The following GPC5 variants were observed in gnomAD, a reference collection of about 807,000 sequenced individuals.
GPC5 encodes glypican 5, also known as glypican-5.
GPC5 carries 47 observed loss-of-function variants against 53.9 expected under a neutral mutation model. That is an observed-to-expected ratio of 0.87 (90% CI 0.69 to 1.11). The LOEUF (loss-of-function observed/expected upper bound fraction) is 1.11. Ranked by LOEUF, GPC5 falls within the 50% of genes most tolerant of loss-of-function variation. GPC5 has a pLI of 0.00. For missense variants in GPC5, 748 were observed against 713.1 expected (o/e 1.05, Z -0.56); for synonymous variants, 286 against 263.3 (o/e 1.09, Z -0.84).
rs1329181441 is a variant in GPC5, at chr13:92,031,694, A to ATAATATG, written c.1402-113130_1402-113129insGTAATAT. 4.1e-5 allele frequency among the ~76,000 whole-genome samples: 4 copies of ATAATATG among 96,468 alleles called. 1 individual carries two copies. Among genetic ancestry groups the ATAATATG allele is most frequent in the African/African-American group, 8.1e-5 (2 of 24,596 alleles). The allele number at this position is 96,468 out of a possible 152,430, so 63.3% of individuals were successfully genotyped here. On this transcript the variant is annotated intron_variant, in intron 6 of 7. Transcript: ENST00000377067. ...TATATATAATATATATATAGTATAT[A>ATAATATG]TAATATATTATATATATTACATATA...
chr13:92,270,399 G>A (rs182365630), intron 7 of GPC5, among the ~76,000 whole-genome samples: 25 of 152,262 alleles, frequency 1.6e-4, no homozygotes, highest in African/African-American at 5.5e-4. Flanking sequence ...TTAAAAGTGT[G>A]TAGCACCTCC....
chr13:92,863,768 C>T (rs1879256687), intron 7 of GPC5, among the ~76,000 whole-genome samples: 1 of 152,178 alleles, frequency 6.6e-6, no homozygotes, highest in Admixed American at 6.5e-5. Context: ...GCTGAGATTA[C>T]AGGTGTGAGC....
rs1457582309 is a variant in GPC5, at chr13:92,261,623, T to C, written c.1561+116634T>C. On this transcript the variant is annotated intron_variant, in intron 7 of 7. Transcript: ENST00000377067. ...GAGAATATTTAATTACCACTAATTA[T>C]ACCAGTAAGCATAATGATGTATGGG... Among the ~76,000 whole-genome samples, 6 of 152,128 alleles carry C rather than the reference T, an allele frequency of 3.9e-5. No individual in the cohort carries two copies. The East Asian group carries it at 1.2e-3, about 29-fold the overall frequency.
intron 7 of GPC5, among the ~76,000 whole-genome samples, chr13:92,337,202 CA>C (rs11303172): frequency 0.5 from 70,814 of 142,284 alleles, 18,629 homozygotes; most frequent in African/African-American, 0.74. Flanking sequence ...ACCCCCCACC[CA>C]AAAAAAAAAA....
chr13:91,595,633 C>A (rs1201087305), intron 2 of GPC5, among the ~76,000 whole-genome samples: 3 of 152,118 alleles, frequency 2.0e-5, no homozygotes, highest in African/African-American at 7.2e-5. Flanking sequence ...CCTGTACTAT[C>A]TGAACTTCCC....
At chr13:92,111,281 G>A (rs971069795) in intron 6 of GPC5, among the ~76,000 whole-genome samples, 2 of 152,090 alleles carry the variant, frequency 1.3e-5, no homozygotes, top group African/African-American at 4.8e-5. Flanking sequence ...GTAGGAAAAA[G>A]TCAAAGGCAA....
intron 7 of GPC5, among the ~76,000 whole-genome samples, chr13:92,804,835 T>A (rs1415139471): frequency 1.3e-5 from 2 of 152,118 alleles, no homozygotes; most frequent in African/African-American, 4.8e-5. Flanking sequence ...CAACTAAGTT[T>A]ATGTAATATT....
chr13:92,703,287 G>A (rs1887822301), intron 7 of GPC5, among the ~76,000 whole-genome samples: 1 of 151,564 alleles, frequency 6.6e-6, no homozygotes, highest in South Asian at 2.1e-4. Flanking sequence ...ATATGTACAT[G>A]TGTCCCTTGG....
intron 7 of GPC5, among the ~76,000 whole-genome samples, chr13:92,820,850 A>T (rs1296851762): frequency 6.6e-6 from 1 of 152,142 alleles, no homozygotes; most frequent in East Asian, 1.9e-4. Flanking sequence ...AACTTGTTTG[A>T]TTCTCATTAC....
At chr13:92,574,495 A>G (rs1212474319) in intron 7 of GPC5, among the ~76,000 whole-genome samples, 1 of 152,320 alleles carries the variant, frequency 6.6e-6, no homozygotes, top group Non-Finnish European at 1.5e-5. Context: ...GTCATAATTG[A>G]TATGAACTAT....
At chr13:92,479,410 TTTGA>T (rs1209553035) in intron 7 of GPC5, among the ~76,000 whole-genome samples, 1 of 152,212 alleles carries the variant, frequency 6.6e-6, no homozygotes, top group Non-Finnish European at 1.5e-5. Flanking sequence ...AAGAGTTACC[TTTGA>T]TTTTCACTGC....
chr13:92,068,264 A>G (rs963005442), intron 6 of GPC5, among the ~76,000 whole-genome samples: 2 of 152,042 alleles, frequency 1.3e-5, no homozygotes, highest in African/African-American at 4.8e-5. Context: ...AGTTAATTTT[A>G]TGAAATTAAC....
At chr13:91,613,051 C>A (rs1311774439) in intron 2 of GPC5, among the ~76,000 whole-genome samples, 2 of 152,092 alleles carry the variant, frequency 1.3e-5, no homozygotes, top group Non-Finnish European at 2.9e-5. Context: ...CTGTATCAAC[C>A]TAAGTTTTTT....
At chr13:91,585,568 C>A (rs1229551515) in intron 2 of GPC5, among the ~76,000 whole-genome samples, 2 of 152,102 alleles carry the variant, frequency 1.3e-5, no homozygotes, top group African/African-American at 4.8e-5. Context: ...AGTTAATATG[C>A]AGCTCAAAAA....
intron 7 of GPC5, among the ~76,000 whole-genome samples, chr13:92,444,469 G>A (rs1313569749): frequency 6.6e-6 from 1 of 152,102 alleles, no homozygotes; most frequent in Non-Finnish European, 1.5e-5. Context: ...AATGATTGAT[G>A]TTTCCAGCCT....
intron 3 of GPC5, among the ~76,000 whole-genome samples, chr13:91,723,020 A>C (rs1372435226): frequency 3.3e-5 from 5 of 152,190 alleles, no homozygotes; most frequent in Admixed American, 1.3e-4. Flanking sequence ...CTAGTGTTTT[A>C]AAAGTGGTAT....
intron 7 of GPC5, among the ~76,000 whole-genome samples, chr13:92,373,166 C>T (rs984644026): frequency 1.3e-5 from 2 of 152,106 alleles, no homozygotes; most frequent in Non-Finnish European, 2.9e-5. Context: ...TCACAAAGCA[C>T]AGGTGTCAAC....
chr13:91,715,741 G>C (rs2036322033), intron 3 of GPC5, among the ~76,000 whole-genome samples: 1 of 144,954 alleles, frequency 6.9e-6, no homozygotes, highest in Non-Finnish European at 1.5e-5. Flanking sequence ...AAATTATCTT[G>C]AAGTTGTTTT....
In GPC5 at chr13:92,532,541, C is replaced by A. The variant is rs117294432; in HGVS notation, c.1562-333741C>A. ...AAATACAAAACACTGTATGTGACAC[C>A]AAATAGGATTGCTGCAAGCTGGCAC... On this transcript the variant is annotated intron_variant, in intron 7 of 7. Transcript: ENST00000377067. Among the ~76,000 whole-genome samples, 13 of 152,194 alleles carry A rather than the reference C, an allele frequency of 8.5e-5. No homozygotes were observed. In the East Asian group the frequency reaches 2.5e-3, roughly 29 times the overall value.
Sources: allele counts gnomAD v4.1 joint callset (sites outside exome capture counted in the v4.1 genomes callset), GRCh38; gene constraint gnomAD v4.1.1; transcripts MANE v1.5; gene names NCBI Gene and HGNC (gene_info 2026-07-23, HGNC 2026-07-21).